Variants in HS6ST2 observed in about 807,000 individuals in gnomAD.
The protein encoded by HS6ST2 is heparan sulfate 6-O-sulfotransferase 2, also known as heparan-sulfate 6-O-sulfotransferase 2.
A neutral mutation model predicts 33.0 loss-of-function variants in HS6ST2; 17 were observed. The observed-to-expected ratio is 0.52, with a 90% CI of 0.35 to 0.77. The LOEUF (loss-of-function observed/expected upper bound fraction) is 0.77. HS6ST2 is among the 30% of genes least tolerant of loss of function. The probability of loss-of-function intolerance (pLI) is 0.01; values close to 1 mark genes in which losing one functional copy is unlikely to be tolerated. For missense variants in HS6ST2, 519 were observed against 551.7 expected (o/e 0.94, Z 0.59); for synonymous variants, 248 against 237.1 (o/e 1.05, Z -0.42).
intron 2 of HS6ST2, among the ~76,000 whole-genome samples, chrX:132,918,718 C>T (rs1489363663): frequency 9.0e-6 from 1 of 111,445 alleles, no homozygotes; most frequent in South Asian, 3.9e-4. Context: ...GCCCCACAGC[C>T]TACTGACAGC....
intron 2 of HS6ST2, among the ~76,000 whole-genome samples, chrX:132,757,034 T>TG (rs1386657535): frequency 1.3e-4 from 14 of 111,263 alleles, no homozygotes; most frequent in Non-Finnish European, 2.4e-4. Flanking sequence ...CGTAAAGCCC[T>TG]GGGGGTAAAA....
intron 2 of HS6ST2, among the ~76,000 whole-genome samples, chrX:132,893,336 G>A (rs1015535868): frequency 1.8e-5 from 2 of 112,306 alleles, no homozygotes; most frequent in Non-Finnish European, 3.8e-5. Flanking sequence ...TGTTCCCACT[G>A]TTAAGATTTG....
At chrX:132,827,011 A>C (rs1349525415) in intron 2 of HS6ST2, among the ~76,000 whole-genome samples, 1 of 111,698 alleles carries the variant, frequency 9.0e-6, no homozygotes, top group Non-Finnish European at 1.9e-5. Flanking sequence ...ATATGGCCAA[A>C]AAGGTTTCCA....
Position 132,746,729 on chromosome X carries a change from T to C in HS6ST2, c.948-38235A>G, listed in dbSNP as rs1239904757. On this transcript the variant is annotated intron_variant, in intron 2 of 4. Coordinates refer to ENST00000370833, the MANE Select transcript of HS6ST2 (RefSeq NM_001394073.1). ...AATCTATTGAACAACCTGTATCCTG[T>C]TCCTGAAGTCTACAGTCACAGACAT... 1.9e-4 allele frequency among the ~76,000 whole-genome samples: 21 copies of C among 111,416 alleles called. No individual in the cohort carries two copies. The Admixed American group carries it at 2.0e-3, about 11-fold the overall frequency.
chrX:132,883,864 C>T (rs375267725), intron 2 of HS6ST2, among the ~76,000 whole-genome samples: 1 of 111,801 alleles, frequency 8.9e-6, no homozygotes, highest in Non-Finnish European at 1.9e-5. Context: ...ATTGACAAAC[C>T]AGCTGGTCCA....
intron 2 of HS6ST2, among the ~76,000 whole-genome samples, chrX:132,739,794 T>G (rs1402790548): frequency 9.0e-6 from 1 of 111,521 alleles, no homozygotes; most frequent in African/African-American, 3.3e-5. Flanking sequence ...TTAAAAAATA[T>G]TATGCCATAA....
chrX:132,755,771 C>A (rs1301244734), intron 2 of HS6ST2, among the ~76,000 whole-genome samples: 1 of 111,680 alleles, frequency 9.0e-6, no homozygotes, highest in Non-Finnish European at 1.9e-5. Context: ...TCCATGATCG[C>A]GCCTATGAAT....
chrX:132,647,562 T>C (rs1057428133), intron 4 of HS6ST2, among the ~76,000 whole-genome samples: 8 of 112,120 alleles, frequency 7.1e-5, no homozygotes, highest in Admixed American at 1.9e-4. Context: ...GTCCCAAAAC[T>C]CCTAGGCAGG....
intron 2 of HS6ST2, among the ~76,000 whole-genome samples, chrX:132,793,153 T>TG (rs1213353778): frequency 1.1e-5 from 1 of 94,601 alleles, no homozygotes; most frequent in Non-Finnish European, 2.0e-5. Context: ...CTCCGCCTCC[T>TG]GGGTTCAGGC....
chrX:132,916,970 C>T (rs1267583211), intron 2 of HS6ST2, among the ~76,000 whole-genome samples: 1 of 111,671 alleles, frequency 9.0e-6, no homozygotes, highest in Non-Finnish European at 1.9e-5. Context: ...TCCAGAGAAC[C>T]CTAATACTGT....
intron 2 of HS6ST2, among the ~76,000 whole-genome samples, chrX:132,794,490 C>G (rs1031733618): frequency 9.1e-6 from 1 of 110,323 alleles, no homozygotes; most frequent in Non-Finnish European, 1.9e-5. Flanking sequence ...TCCTCCCAGG[C>G]TCAAGCGATC....
chrX:132,781,363 G>A (rs756262077), intron 2 of HS6ST2, among the ~76,000 whole-genome samples: 2 of 111,722 alleles, frequency 1.8e-5, no homozygotes, highest in Non-Finnish European at 3.8e-5. Flanking sequence ...GCTTCATAGA[G>A]GGGAAGACAG....
intron 2 of HS6ST2, among the ~76,000 whole-genome samples, chrX:132,816,582 G>A (rs1169809210): frequency 8.9e-6 from 1 of 112,239 alleles, no homozygotes; most frequent in Non-Finnish European, 1.9e-5. Context: ...AATATAGTCT[G>A]AAGTTTGTGC....
At chrX:132,858,126 C>T (rs983519857) in intron 2 of HS6ST2, among the ~76,000 whole-genome samples, 2 of 111,496 alleles carry the variant, frequency 1.8e-5, no homozygotes, top group Non-Finnish European at 3.8e-5. Flanking sequence ...CTTTCCATAC[C>T]AGGAAACCAG....
chrX:132,802,176 A>C (rs2065241774), intron 2 of HS6ST2, among the ~76,000 whole-genome samples: 1 of 112,466 alleles, frequency 8.9e-6, no homozygotes, highest in African/African-American at 3.2e-5. Flanking sequence ...GTGGTACTAC[A>C]GAAAACTACC....
At chrX:132,933,643 C>T in intron 2 of HS6ST2, among the ~76,000 whole-genome samples, 1 of 110,989 alleles carries the variant, frequency 9.0e-6, no homozygotes. Flanking sequence ...GTAGGATAAC[C>T]AAAAAGAGAT....
chrX:132,654,077 T>C (rs763064947), intron 4 of HS6ST2, among the ~76,000 whole-genome samples: 35 of 111,334 alleles, frequency 3.1e-4, no homozygotes, highest in Admixed American at 4.8e-4. Context: ...TGGCTAACAA[T>C]ACTTGATTTT....
chrX:132,926,711 C>T (rs990499322), intron 2 of HS6ST2, among the ~76,000 whole-genome samples: 4 of 111,641 alleles, frequency 3.6e-5, no homozygotes, highest in African/African-American at 1.3e-4. Flanking sequence ...TCACTTGAGG[C>T]CAGGAGTTCT....
chrX:132,835,876 A>G (rs2065637781), intron 2 of HS6ST2, among the ~76,000 whole-genome samples: 1 of 111,777 alleles, frequency 8.9e-6, no homozygotes, highest in Admixed American at 9.5e-5. Context: ...AGATTGCGAC[A>G]CTGCACTCCA....
Sources: allele counts gnomAD v4.1 joint callset (sites outside exome capture counted in the v4.1 genomes callset), GRCh38; gene constraint gnomAD v4.1.1; transcripts MANE v1.5; gene names NCBI Gene and HGNC (gene_info 2026-07-23, HGNC 2026-07-21).